LRP1B: variants seen among roughly 807,000 people sequenced by gnomAD.
LRP1B encodes low-density lipoprotein receptor-related protein 1B.
Under a neutral mutation model 556.6 loss-of-function variants are expected in LRP1B, and 217 were observed. The observed-to-expected ratio is 0.39, with a 90% CI of 0.35 to 0.44. LRP1B has a LOEUF of 0.44. Ranked by LOEUF, LRP1B falls within the 20% of genes least tolerant of loss-of-function variation. LRP1B has a pLI of 1.00. For synonymous variants in LRP1B, 2,047 were observed against 1,865.8 expected (o/e 1.10, Z -2.50); for missense variants, 5,053 against 5,620.8 (o/e 0.90, Z 3.23).
At chr2:140,459,348 A>C (rs1687224984) in intron 60 of LRP1B, among the ~76,000 whole-genome samples, 2 of 152,168 alleles carry the variant, frequency 1.3e-5, no homozygotes, top group Non-Finnish European at 2.9e-5. Flanking sequence ...CAAGATTTTT[A>C]GAATAAAATA....
chr2:140,625,719 T>A (rs1410940680), intron 41 of LRP1B, among the ~76,000 whole-genome samples: 4 of 152,142 alleles, frequency 2.6e-5, no homozygotes, highest in Non-Finnish European at 5.9e-5. Flanking sequence ...GAACAGTGAC[T>A]ACATAAAATG....
chr2:142,100,365 T>C (rs1409987385), intron 1 of LRP1B, among the ~76,000 whole-genome samples: 1 of 151,928 alleles, frequency 6.6e-6, no homozygotes, highest in Non-Finnish European at 1.5e-5. Flanking sequence ...ATTTTATTCC[T>C]TGGGGAGAAG....
At chr2:141,036,182 G>A (rs796994868) in intron 11 of LRP1B, among the ~76,000 whole-genome samples, 1 of 151,812 alleles carries the variant, frequency 6.6e-6, no homozygotes, top group Non-Finnish European at 1.5e-5. Flanking sequence ...AACACATAAA[G>A]TATTACTCTT....
chr2:140,314,870 A>G (rs1268429498), intron 83 of LRP1B, 65 bp downstream of exon 83: 3 of 1,200,938 alleles, frequency 2.5e-6, no homozygotes, highest in Middle Eastern at 2.0e-4. Context: ...AACATTAAGC[A>G]TTTTCGATTC....
At chr2:140,597,301 G>A (rs1475525592) in intron 43 of LRP1B, among the ~76,000 whole-genome samples, 3 of 151,998 alleles carry the variant, frequency 2.0e-5, no homozygotes, top group Non-Finnish European at 2.9e-5. Context: ...CTTATTACTC[G>A]ACCACTTACT....
chr2:141,449,472 A>AT (rs1681327395), intron 3 of LRP1B, among the ~76,000 whole-genome samples: 1 of 152,114 alleles, frequency 6.6e-6, no homozygotes, highest in Non-Finnish European at 1.5e-5. Flanking sequence ...GATTTTTTAC[A>AT]TTTTTTATAT....
chr2:141,795,899 T>TATATATATATATATATATATAA (rs1247641787), intron 2 of LRP1B, among the ~76,000 whole-genome samples: 4 of 77,026 alleles, frequency 5.2e-5, no homozygotes, highest in South Asian at 1.1e-3. Context: ...TATATATATA[T>TATATATATATATATATATATAA]AATCTTTAAG....
intron 2 of LRP1B, among the ~76,000 whole-genome samples, chr2:141,782,147 G>T (rs1401472961): frequency 1.3e-5 from 2 of 152,018 alleles, no homozygotes; most frequent in South Asian, 4.1e-4. Context: ...GCACCAGTAC[G>T]CCATTCCCAC....
chr2:141,431,366 G>A (rs1680558131), intron 3 of LRP1B, among the ~76,000 whole-genome samples: 1 of 152,054 alleles, frequency 6.6e-6, no homozygotes, highest in South Asian at 2.1e-4. Flanking sequence ...GTGCAAGGTG[G>A]CCTCCAGATG....
intron 31 of LRP1B, among the ~76,000 whole-genome samples, chr2:140,835,908 AC>A (rs1485686277): frequency 6.6e-6 from 1 of 152,114 alleles, no homozygotes; most frequent in African/African-American, 2.4e-5. Context: ...ACAGTTGAAT[AC>A]CTTTTTTGTC....
rs565522972 is a variant in LRP1B at position 140,654,019 on chromosome 2, C to T, written c.6799+46231G>A. ...CAGCCTGGGAGACAAGAGCAAGACTCCATCTCAAAAAAAAAAAAAAAAAAA... is the reference window on the plus strand; with the variant it reads ...CAGCCTGGGAGACAAGAGCAAGACTTCATCTCAAAAAAAAAAAAAAAAAAA... On this transcript the variant is annotated intron_variant, in intron 41 of 90. Coordinates refer to ENST00000389484, the MANE Select transcript of LRP1B (RefSeq NM_018557.3). Among the ~76,000 whole-genome samples the T allele has an allele frequency of 2.0e-4, 22 of 111,634 alleles. No homozygotes were observed. The East Asian group carries it at 6.0e-3, about 30-fold the overall frequency. The allele number at this position is 111,634 out of a possible 152,430, so 73.2% of individuals were successfully genotyped here.
At chr2:141,053,181 C>A (rs2380923) in intron 10 of LRP1B, among the ~76,000 whole-genome samples, 1 of 151,946 alleles carries the variant, frequency 6.6e-6, no homozygotes, top group Non-Finnish European at 1.5e-5. Flanking sequence ...TTCACAGACA[C>A]TCATATAGCC....
At chr2:141,620,735 T>C (rs1437827845) in intron 2 of LRP1B, among the ~76,000 whole-genome samples, 1 of 152,084 alleles carries the variant, frequency 6.6e-6, no homozygotes, top group Non-Finnish European at 1.5e-5. Flanking sequence ...ACTCTGTTTT[T>C]ACCACTGTTT....
chr2:141,146,695 T>C (rs945636091), intron 7 of LRP1B, among the ~76,000 whole-genome samples: 6 of 152,172 alleles, frequency 3.9e-5, no homozygotes, highest in Non-Finnish European at 4.4e-5. Flanking sequence ...TTCAGGCCAT[T>C]TTTGTCCTCC....
At chr2:141,636,519 T>C (rs779432171) in intron 2 of LRP1B, among the ~76,000 whole-genome samples, 2 of 152,296 alleles carry the variant, frequency 1.3e-5, no homozygotes, top group African/African-American at 4.8e-5. Flanking sequence ...TGGAAGATAA[T>C]GTGCAATATG....
At chr2:141,280,833 T>C (rs1017063188) in intron 3 of LRP1B, among the ~76,000 whole-genome samples, 3 of 152,052 alleles carry the variant, frequency 2.0e-5, no homozygotes, top group Admixed American at 6.5e-5. Context: ...ATTTTCATAG[T>C]AGGCATTATA....
At chr2:141,591,819 G>A (rs1233417462) in intron 2 of LRP1B, among the ~76,000 whole-genome samples, 1 of 152,066 alleles carries the variant, frequency 6.6e-6, no homozygotes, top group African/African-American at 2.4e-5. Flanking sequence ...TTCTATAGGA[G>A]CATTTGGGAC....
chr2:141,938,865 G>A (rs1334903887), intron 1 of LRP1B, among the ~76,000 whole-genome samples: 1 of 151,964 alleles, frequency 6.6e-6, no homozygotes, highest in African/African-American at 2.4e-5. Flanking sequence ...TGAATCTGGA[G>A]GACATTATGC....
chr2:141,121,107 C>A (rs547705801), intron 7 of LRP1B, among the ~76,000 whole-genome samples: 1 of 151,996 alleles, frequency 6.6e-6, no homozygotes, highest in African/African-American at 2.4e-5. Flanking sequence ...CTATGCGACA[C>A]TGGCAAGTAA....
Sources: gnomAD v4.1 joint callset for allele counts (sites outside exome capture counted in the v4.1 genomes callset) on GRCh38, gnomAD v4.1.1 for gene constraint, MANE v1.5 for transcripts, NCBI Gene and HGNC (gene_info 2026-07-23, HGNC 2026-07-21) for gene names.